The following GRIK4 variants were observed in gnomAD, a reference collection of about 807,000 sequenced individuals.
GRIK4 encodes glutamate ionotropic receptor kainate type subunit 4, also known as glutamate receptor ionotropic, kainate 4.
GRIK4 carries 40 observed loss-of-function variants against 104.9 expected under a neutral mutation model. The ratio of observed to expected loss-of-function variants is 0.38; its 90% confidence interval spans 0.30 to 0.50. The LOEUF (loss-of-function observed/expected upper bound fraction) is 0.50, where lower values mean the gene tolerates loss of function less well. Ranked by LOEUF, GRIK4 falls within the 20% of genes least tolerant of loss-of-function variation. The pLI, the probability that GRIK4 is intolerant of heterozygous loss-of-function variation, is 0.93. For synonymous variants in GRIK4, 485 were observed against 524.9 expected, an observed-to-expected ratio of 0.92 and a Z score of 1.04; for missense variants, 1,047 against 1,308.1, an observed-to-expected ratio of 0.80 and a Z score of 3.08.
rs565323877 is a variant in GRIK4, at chr11:120,887,995, G to A, written c.1165-10537G>A. On this transcript the variant is annotated intron_variant, in intron 11 of 20. Transcript: ENST00000527524. The stretch of plus-strand genomic sequence containing the variant: ...AGAGGCGGTTGTGGTGGATGGCAGA[G>A]CTGGTTGGGAAGCCAGAACTCCCAC... Among the ~76,000 whole-genome samples the A allele has an allele frequency of 7.9e-5, 12 of 152,232 alleles. 1 individual carries two copies. In the South Asian group the frequency reaches 2.5e-3, roughly 32 times the overall value.
intron 14 of GRIK4, among the ~76,000 whole-genome samples, chr11:120,946,300 C>T (rs531644543): frequency 1.1e-4 from 16 of 152,312 alleles, no homozygotes; most frequent in African/African-American, 3.4e-4. Context: ...CATCAGACTG[C>T]GCCAGAAGCC....
At chr11:120,785,708 C>T (rs148150234) in intron 3 of GRIK4, among the ~76,000 whole-genome samples, 36 of 152,326 alleles carry the variant, frequency 2.4e-4, no homozygotes, top group African/African-American at 8.4e-4. Context: ...GACTCAGCTC[C>T]TGCACTTGGG....
At chr11:120,832,319 G>C (rs965101213) in intron 7 of GRIK4, among the ~76,000 whole-genome samples, 1 of 152,188 alleles carries the variant, frequency 6.6e-6, no homozygotes, top group African/African-American at 2.4e-5. Flanking sequence ...GAGGTCTGCG[G>C]GTTCCTAGGA....
intron 13 of GRIK4, among the ~76,000 whole-genome samples, chr11:120,911,838 C>A (rs1425789080): frequency 3.6e-5 from 3 of 83,446 alleles, no homozygotes; most frequent in Non-Finnish European, 4.4e-5. Flanking sequence ...AGTAAGACTC[C>A]ATCTCAAAAA....
intron 3 of GRIK4, among the ~76,000 whole-genome samples, chr11:120,702,137 G>A (rs1329272461): frequency 6.6e-6 from 1 of 152,102 alleles, no homozygotes; most frequent in Non-Finnish European, 1.5e-5. Flanking sequence ...TGTATTTTTA[G>A]TAGAGATGGG....
intron 3 of GRIK4, among the ~76,000 whole-genome samples, chr11:120,787,557 TG>T (rs1462114275): frequency 1.3e-5 from 2 of 151,344 alleles, no homozygotes; most frequent in Non-Finnish European, 2.9e-5. Context: ...CTCTGCCTCC[TG>T]GGTTCAAGTG....
chr11:120,648,369 G>A (rs186645266), intron 1 of GRIK4, among the ~76,000 whole-genome samples: 1 of 152,216 alleles, frequency 6.6e-6, no homozygotes, highest in Non-Finnish European at 1.5e-5. Flanking sequence ...GACCCCCTTA[G>A]GAGACTGAAC....
intron 19 of GRIK4, among the ~76,000 whole-genome samples, chr11:120,971,121 G>A (rs1377938840): frequency 6.6e-5 from 10 of 152,144 alleles, no homozygotes; most frequent in Admixed American, 6.5e-4. Flanking sequence ...AGCAATTAAG[G>A]CACAATGAGA....
In GRIK4 at chr11:120,940,535, T is replaced by G; in HGVS notation, c.1590+75T>G. ...CAAACACTGAGTTATACGGGAATAA[T>G]GAATGACTCATGGAAATATTTAGAT... On this transcript the variant is annotated intron_variant, in intron 14 of 20. Coordinates refer to ENST00000527524, the MANE Select transcript of GRIK4 (RefSeq NM_014619.5). The surrounding 1 kb of genome is among the most constrained non-coding windows in gnomAD (Gnocchi z 4.3). 1 of 809,156 alleles carries G rather than the reference T, an allele frequency of 1.2e-6. No homozygotes were observed. Among genetic ancestry groups the G allele is most frequent in the Non-Finnish European group, 2.1e-6 (1 of 483,180 alleles). The allele number at this position is 809,156 out of a possible 1,614,324, so 50.1% of individuals were successfully genotyped here.
chr11:120,698,084 T>G (rs949724871), intron 3 of GRIK4, among the ~76,000 whole-genome samples: 1 of 152,088 alleles, frequency 6.6e-6, no homozygotes, highest in African/African-American at 2.4e-5. Context: ...GGTGTGGCGT[T>G]TCTCCACTCA....
intron 11 of GRIK4, among the ~76,000 whole-genome samples, chr11:120,892,963 AAAG>A (rs1291212906): frequency 6.6e-6 from 1 of 152,248 alleles, no homozygotes; most frequent in African/African-American, 2.4e-5. Flanking sequence ...CACAGTGAGA[AAAG>A]AAACAGACAC....
chr11:120,547,025 C>T (rs1948091381), intron 1 of GRIK4, among the ~76,000 whole-genome samples: 1 of 152,226 alleles, frequency 6.6e-6, no homozygotes, highest in Non-Finnish European at 1.5e-5. Context: ...CCACGTACCT[C>T]CCCGGCACCC....
At chr11:120,590,782 A>C (rs926402038) in intron 1 of GRIK4, among the ~76,000 whole-genome samples, 1 of 152,088 alleles carries the variant, frequency 6.6e-6, no homozygotes, top group African/African-American at 2.4e-5. Context: ...TGGAATACTT[A>C]GTATATGCCA....
intron 3 of GRIK4, among the ~76,000 whole-genome samples, chr11:120,716,062 C>T (rs1950826928): frequency 6.6e-6 from 1 of 151,956 alleles, no homozygotes; most frequent in African/African-American, 2.4e-5. Context: ...GATGTCAGCA[C>T]TCCTAAATGC....
chr11:120,966,210 T>G (rs1319559282), intron 18 of GRIK4, among the ~76,000 whole-genome samples: 1 of 152,168 alleles, frequency 6.6e-6, no homozygotes, highest in Non-Finnish European at 1.5e-5. Flanking sequence ...GACAGGCCAG[T>G]GGGTTCTCGT....
chr11:120,573,842 C>T (rs556818148), intron 1 of GRIK4, among the ~76,000 whole-genome samples: 24 of 152,318 alleles, frequency 1.6e-4, no homozygotes, highest in African/African-American at 5.8e-4. Context: ...CCTGGGCTTA[C>T]AGCCAAGCCA....
intron 1 of GRIK4, among the ~76,000 whole-genome samples, chr11:120,516,069 G>T (rs1225136822): frequency 1.3e-5 from 2 of 152,192 alleles, no homozygotes; most frequent in Non-Finnish European, 2.9e-5. Flanking sequence ...AACCAAGAGG[G>T]AGACACTTTT....
intron 20 of GRIK4, among the ~76,000 whole-genome samples, chr11:120,982,742 T>G (rs1454258822): frequency 7.0e-6 from 1 of 142,422 alleles, no homozygotes; most frequent in Non-Finnish European, 1.5e-5. Flanking sequence ...ATTGCATTAT[T>G]AGATTTTTTT....
rs1943508421 is a variant in GRIK4 at position 120,932,757 on chromosome 11, G to GC, written c.1477-7586dup. On this transcript the variant is annotated intron_variant, in intron 13 of 20. Transcript: ENST00000527524. ...ATTGAAGAATGGGAGGCACTCTGCA[G>GC]CCCCAGCAGCAGGTGAAACAGGAGA... Among the ~76,000 whole-genome samples the GC allele has an allele frequency of 2.0e-5, 3 of 152,182 alleles. No individual in the cohort carries two copies. The South Asian group carries it at 6.2e-4, about 32-fold the overall frequency.
Sources: allele counts gnomAD v4.1 joint callset (sites outside exome capture counted in the v4.1 genomes callset), GRCh38; gene constraint gnomAD v4.1.1; non-coding constraint Gnocchi (gnomAD v3.1); transcripts MANE v1.5; gene names NCBI Gene and HGNC (gene_info 2026-07-23, HGNC 2026-07-21).